The following GRAMD1C variants were observed in gnomAD, a reference collection of about 807,000 sequenced individuals.
The protein encoded by GRAMD1C is protein Aster-C.
GRAMD1C carries 89 observed loss-of-function variants against 97.8 expected under a neutral mutation model. That is an observed-to-expected ratio of 0.91 (90% CI 0.77 to 1.09). The LOEUF (loss-of-function observed/expected upper bound fraction) is 1.09. Ranked by LOEUF, GRAMD1C falls within the 50% of genes least tolerant of loss-of-function variation. The probability of loss-of-function intolerance (pLI) is 0.00; values close to 1 mark genes in which losing one functional copy is unlikely to be tolerated. For synonymous variants in GRAMD1C, 256 were observed against 267.0 expected (o/e 0.96, Z 0.40); for missense variants, 740 against 766.4 (o/e 0.97, Z 0.41).
chr3:113,910,314 C>T (rs560684628), intron 9 of GRAMD1C, among the ~76,000 whole-genome samples: 12 of 152,196 alleles, frequency 7.9e-5, no homozygotes, highest in East Asian at 5.8e-4. Flanking sequence ...ACCCAGGAGG[C>T]GGAGGTTGCA....
chr3:113,862,740 G>T (rs1278276008), intron 2 of GRAMD1C, among the ~76,000 whole-genome samples: 1 of 152,184 alleles, frequency 6.6e-6, no homozygotes, highest in East Asian at 1.9e-4. Context: ...TATGTTCAGA[G>T]ATTGCAGTAA....
chr3:113,832,558 C>T (rs1709573382), intron 1 of GRAMD1C, among the ~76,000 whole-genome samples: 2 of 151,954 alleles, frequency 1.3e-5, no homozygotes, highest in Admixed American at 1.3e-4. Context: ...TTTTCTTCAC[C>T]CCAAACTGAA....
intron 8 of GRAMD1C, among the ~76,000 whole-genome samples, chr3:113,908,167 A>G (rs933145507): frequency 6.6e-6 from 1 of 152,218 alleles, no homozygotes; most frequent in Non-Finnish European, 1.5e-5. Flanking sequence ...ATCTGTGTAC[A>G]TACAGAAAAT....
chr3:113,920,226 AGC>A, intron 10 of GRAMD1C: 1 of 1,051,742 alleles, frequency 9.5e-7, no homozygotes, highest in Non-Finnish European at 1.4e-6. Flanking sequence ...AAAAAAAAAA[AGC>A]AACAAATTCC....
At position 113,875,494 on chromosome 3, in the gene GRAMD1C, T is replaced by G. The variant is rs370350476; in HGVS notation, c.270T>G (p.Cys90Trp). The G allele has an allele frequency of 4.9e-6, 7 of 1,436,266 alleles. No homozygotes were observed. The highest frequency in any genetic ancestry group is 6.9e-6 in the Non-Finnish European group (7 of 1,016,142). 89.0% of individuals were successfully genotyped at this position (1,436,266 alleles called of 1,614,324 possible). The change falls in exon 4 of 18, where the codon TGT becomes TGG. Residue 90 changes from cysteine (C) to tryptophan (W), a missense_variant. By Grantham distance (215) the Cys-to-Trp change is radical. Coordinates refer to ENST00000358160, the MANE Select transcript of GRAMD1C (RefSeq NM_017577.5). ...TTTTTGTGTATATAGATTATGCTTG[T>G]GCTCTTCAGAGGGACATTTTGCTTC... ...DTERLIADYA[C>W]ALQRDILLQG...
chr3:113,843,478 C>T (rs781191476), intron 1 of GRAMD1C, among the ~76,000 whole-genome samples: 6 of 151,840 alleles, frequency 4.0e-5, no homozygotes, highest in African/African-American at 9.7e-5. Flanking sequence ...AGCAATTACC[C>T]GATGGGCCCA....
chr3:113,882,621 A>G, intron 5 of GRAMD1C, 131 bp from the exon 6 acceptor site: 1 of 491,560 alleles, frequency 2.0e-6, no homozygotes, highest in Non-Finnish European at 3.7e-6. Context: ...AAATAAAAAT[A>G]GTATACAAAG....
intron 10 of GRAMD1C, among the ~76,000 whole-genome samples, chr3:113,924,211 T>C (rs530512342): frequency 5.3e-5 from 8 of 152,154 alleles, no homozygotes; most frequent in African/African-American, 1.9e-4. Flanking sequence ...TTATTTATTC[T>C]TCAAAGAGCC....
intron 3 of GRAMD1C, among the ~76,000 whole-genome samples, chr3:113,874,226 T>A (rs2399492): frequency 6.6e-6 from 1 of 152,084 alleles, no homozygotes; most frequent in Non-Finnish European, 1.5e-5. Flanking sequence ...CCTTTGTATC[T>A]TATATTACTA....
At chr3:113,834,939 C>A (rs1261199453), upstream of GRAMD1C, among the ~76,000 whole-genome samples, 23 of 126,022 alleles carry the variant, frequency 1.8e-4, no homozygotes, top group Middle Eastern at 3.8e-3. Flanking sequence ...AACTCCGTCT[C>A]AAAAAAAAAA....
intron 6 of GRAMD1C, among the ~76,000 whole-genome samples, chr3:113,897,098 A>G (rs140020080): frequency 9.2e-5 from 14 of 152,208 alleles, no homozygotes; most frequent in African/African-American, 3.4e-4. Context: ...TCTTCCTGCT[A>G]TTTCCTTACG....
intron 10 of GRAMD1C, among the ~76,000 whole-genome samples, chr3:113,921,203 C>T (rs1003799383): frequency 3.9e-5 from 6 of 152,196 alleles, no homozygotes; most frequent in Middle Eastern, 3.2e-3. Flanking sequence ...AGGATAATGG[C>T]CTCCAGCTCC....
intron 1 of GRAMD1C, among the ~76,000 whole-genome samples, chr3:113,842,880 T>C (rs1175697106): frequency 6.6e-6 from 1 of 151,694 alleles, no homozygotes; most frequent in Non-Finnish European, 1.5e-5. Context: ...GGAAAATCGC[T>C]TGAACCCGGG....
intron 2 of GRAMD1C, among the ~76,000 whole-genome samples, chr3:113,868,340 A>G (rs1934663719): frequency 6.6e-6 from 1 of 152,064 alleles, no homozygotes; most frequent in South Asian, 2.1e-4. Flanking sequence ...GTATGAGTCA[A>G]ATTTTCCTGT....
At chr3:113,880,916 C>T (rs1325247832) in intron 5 of GRAMD1C, among the ~76,000 whole-genome samples, 3 of 152,114 alleles carry the variant, frequency 2.0e-5, no homozygotes, top group Admixed American at 1.3e-4. Flanking sequence ...AGCTTCCTCA[C>T]TATGTTAACT....
intron 10 of GRAMD1C, among the ~76,000 whole-genome samples, chr3:113,917,250 T>TGCA (rs758270220): frequency 3.7e-4 from 56 of 152,352 alleles, no homozygotes; most frequent in Non-Finnish European, 4.9e-4. Flanking sequence ...AAAATTAGAA[T>TGCA]GCAGCAGCAG....
chr3:113,903,340 C>G (rs2107318759), intron 7 of GRAMD1C, among the ~76,000 whole-genome samples: 1 of 152,250 alleles, frequency 6.6e-6, no homozygotes, highest in African/African-American at 2.4e-5. Context: ...TTTTCCTGTT[C>G]TTCAGTCTCT....
intron 3 of GRAMD1C, among the ~76,000 whole-genome samples, chr3:113,871,292 A>AT (rs898835864): frequency 6.6e-6 from 1 of 151,994 alleles, no homozygotes; most frequent in African/African-American, 2.4e-5. Context: ...AAAGTGCTTT[A>AT]TTTTTTACTA....
At chr3:113,832,039 G>GTGTTTTTTTTTTTTTTTTTTTTTTTTTT (rs1553713219) in intron 1 of GRAMD1C, among the ~76,000 whole-genome samples, 2 of 149,418 alleles carry the variant, frequency 1.3e-5, no homozygotes, top group Admixed American at 6.7e-5. Flanking sequence ...CAGCAACTTT[G>GTGTTTTTTTTTTTTTTTTTTTTTTTTTT]TTTTTTTTGA....
Sources: allele counts gnomAD v4.1 joint callset (sites outside exome capture counted in the v4.1 genomes callset), GRCh38; gene constraint gnomAD v4.1.1; transcripts MANE v1.5; gene names NCBI Gene and HGNC (gene_info 2026-07-23, HGNC 2026-07-21).